The following SRFBP1 variants were observed in gnomAD, a reference collection of about 807,000 sequenced individuals.
The protein encoded by SRFBP1 is serum response factor-binding protein 1.
Under a neutral mutation model 45.5 loss-of-function variants are expected in SRFBP1, and 47 were observed. The ratio of observed to expected loss-of-function variants is 1.03; its 90% CI spans 0.82 to 1.32. The LOEUF (loss-of-function observed/expected upper bound fraction) is 1.32, where lower values mean the gene tolerates loss of function less well. Ranked by LOEUF, SRFBP1 falls within the 40% of genes most tolerant of loss-of-function variation. The pLI is 0.00. For missense variants in SRFBP1, 621 were observed against 484.6 expected (o/e 1.28, Z -2.64); for synonymous variants, 203 against 166.3 (o/e 1.22, Z -1.70).
intron 3 of SRFBP1, among the ~76,000 whole-genome samples, chr5:121,992,473 A>C: frequency 6.6e-6 from 1 of 151,892 alleles, no homozygotes; most frequent in East Asian, 1.9e-4. Context: ...GATGGTGATT[A>C]CATTTGGCTT....
chr5:121,994,652 T>C lies in SRFBP1; in HGVS notation c.252T>C (p.Phe84=). Residue 84 remains phenylalanine (F), a synonymous_variant, in exon 4 of 8, where the codon TTT becomes TTC. Transcript: ENST00000339397. ...TKSALGDDIN[F]EKIFKKPDST... ...CTGCTCTTGGTGATGATATCAACTT[T>C]GAAAAAATCTTCAAAAAGGTATATC... 2 of 1,595,480 alleles carry C rather than the reference T, an allele frequency of 1.3e-6. No homozygotes were observed. Among genetic ancestry groups the C allele is most frequent in the Non-Finnish European group, 1.7e-6 (2 of 1,171,276 alleles).
chr5:122,028,567 A>G lies in SRFBP1; in HGVS notation c.*1441A>G, dbSNP rs975688822. The stretch of plus-strand genomic sequence containing the variant: ...GGTTGCAGTGAGCCAAGATTGCACC[A>G]CTGCACTCCAGCCTGGGTGACAGAG... On this transcript the variant is annotated 3_prime_UTR_variant, in exon 8 of 8. Coordinates refer to ENST00000339397, the MANE Select transcript of SRFBP1 (RefSeq NM_152546.3). 1 of 151,948 alleles carries G rather than the reference A, an allele frequency of 6.6e-6. No individual in the cohort carries two copies. 9.4% of individuals were successfully genotyped at this position (151,948 alleles called of 1,614,324 possible).
At chr5:122,022,756 A>G (rs1401872198) in intron 7 of SRFBP1, among the ~76,000 whole-genome samples, 1 of 152,230 alleles carries the variant, frequency 6.6e-6, no homozygotes, top group Non-Finnish European at 1.5e-5. Flanking sequence ...AATAACAAGT[A>G]TATTACTTTC....
intron 6 of SRFBP1, among the ~76,000 whole-genome samples, chr5:122,021,086 T>C (rs1753308363): frequency 6.6e-6 from 1 of 152,258 alleles, no homozygotes; most frequent in Non-Finnish European, 1.5e-5. Flanking sequence ...AACTTTGAAA[T>C]CTTTTTTGAT....
At chr5:122,060,512 A>G (rs2152581481) in intron 2 of SRFBP1, among the ~76,000 whole-genome samples, 1 of 152,158 alleles carries the variant, frequency 6.6e-6, no homozygotes, top group African/African-American at 2.4e-5. Context: ...TAATAAGAGC[A>G]ATTGACTTGA....
In SRFBP1 at chr5:121,998,246, C is replaced by G. The variant is rs1317551712; in HGVS notation, c.270+3576C>G. On this transcript the variant is annotated intron_variant, in intron 4 of 7. Transcript: ENST00000339397. Reference sequence around the variant, plus strand: ...TTTATTGTGGCGTTATTCGCAATAGCAAAGACTTGGAACCAACCCAAATGT... The same window carrying G: ...TTTATTGTGGCGTTATTCGCAATAGGAAAGACTTGGAACCAACCCAAATGT... Among the ~76,000 whole-genome samples, 5 of 151,962 alleles carry G rather than the reference C, an allele frequency of 3.3e-5. No individual in the cohort carries two copies. The East Asian group carries it at 9.7e-4, about 29-fold the overall frequency.
chr5:122,009,425 C>T (rs1219386725), intron 4 of SRFBP1, among the ~76,000 whole-genome samples: 2 of 152,070 alleles, frequency 1.3e-5, no homozygotes, highest in Non-Finnish European at 2.9e-5. Flanking sequence ...CTTTTCCCCC[C>T]TTTTCATGTT....
chr5:122,003,969 C>G (rs1351240508), intron 4 of SRFBP1, among the ~76,000 whole-genome samples: 2 of 152,112 alleles, frequency 1.3e-5, no homozygotes, highest in African/African-American at 2.4e-5. Flanking sequence ...GGATCTCGCT[C>G]TGTCACCCAC....
intron 4 of SRFBP1, among the ~76,000 whole-genome samples, chr5:122,008,359 C>A (rs1561589724): frequency 6.6e-6 from 1 of 152,024 alleles, no homozygotes; most frequent in Non-Finnish European, 1.5e-5. Context: ...TCCTTGGTTA[C>A]CAGCCTGGAG....
At chr5:122,045,115 G>C (rs1464832006) in intron 2 of SRFBP1, among the ~76,000 whole-genome samples, 7 of 152,202 alleles carry the variant, frequency 4.6e-5, no homozygotes, top group African/African-American at 1.7e-4. Flanking sequence ...TGAACAGAGA[G>C]TCCTATCCAC....
rs749745534 is a variant in SRFBP1, at chr5:121,997,003, G to T, written c.270+2333G>T. On this transcript the variant is annotated intron_variant, in intron 4 of 7. Transcript: ENST00000339397. ...AGGAGAACTACAAACCACTGCTCAA[G>T]GAAATAAAAGAGGATACAAACAAAT... is the stretch of plus-strand genomic sequence containing the variant. 8.0e-3 allele frequency among the ~76,000 whole-genome samples: 915 copies of T among 114,124 alleles called. 8 individuals are homozygous for T. The highest frequency in any genetic ancestry group is 0.072 in the East Asian group (244 of 3,368). The allele number at this position is 114,124 out of a possible 152,430, so 74.9% of individuals were successfully genotyped here. A position where few individuals can be genotyped will look rare whatever the true frequency, so the allele number is the denominator to read the frequency against.
intron 2 of SRFBP1, among the ~76,000 whole-genome samples, chr5:122,056,674 A>G (rs770931752): frequency 1.3e-5 from 2 of 152,206 alleles, no homozygotes; most frequent in Non-Finnish European, 2.9e-5. Flanking sequence ...TTAAAAAGTA[A>G]GAAGACAAGG....
At chr5:121,995,004 A>C (rs972832874) in intron 4 of SRFBP1, among the ~76,000 whole-genome samples, 17 of 143,658 alleles carry the variant, frequency 1.2e-4, no homozygotes, top group African/African-American at 4.3e-4. Flanking sequence ...ATGCACCCAG[A>C]TTCATAAAGC....
chr5:122,048,279 G>C (rs10477627), intron 2 of SRFBP1, among the ~76,000 whole-genome samples: 47,218 of 151,924 alleles, frequency 0.31, 10,600 homozygotes, highest in African/African-American at 0.64. Context: ...TCTCAGAGGC[G>C]TTTTCTGCAT....
intron 4 of SRFBP1, among the ~76,000 whole-genome samples, chr5:122,016,200 G>C (rs890190557): frequency 1.3e-5 from 2 of 152,118 alleles, no homozygotes; most frequent in Admixed American, 1.3e-4. Flanking sequence ...TAAGTCTCCT[G>C]TCACCATCAT....
downstream of SRFBP1, chr5:122,077,723 C>T (rs369178929): frequency 2.5e-5 from 40 of 1,582,398 alleles, no homozygotes; most frequent in Admixed American, 7.1e-5. This position sits in a 1 kb window ranked among gnomAD's most constrained non-coding sequence, Gnocchi z 4.9. Context: ...GATCGGAGTG[C>T]GGGGCTGCTG....
At chr5:122,011,919 C>T (rs1208050081) in intron 4 of SRFBP1, among the ~76,000 whole-genome samples, 1 of 152,090 alleles carries the variant, frequency 6.6e-6, no homozygotes, top group African/African-American at 2.4e-5. Context: ...AGCCCATCTG[C>T]TTCACCAGCT....
In SRFBP1 at chr5:122,027,218, T is replaced by C. The variant is rs1753501650; in HGVS notation, c.*92T>C. 1.9e-6 allele frequency: 2 copies of C among 1,039,860 alleles called. No homozygotes were observed. Among genetic ancestry groups the C allele is most frequent in the Non-Finnish European group, 2.8e-6 (2 of 726,418 alleles). 64.4% of individuals were successfully genotyped at this position (1,039,860 alleles called of 1,614,324 possible). A position where few individuals can be genotyped will look rare whatever the true frequency, so the allele number is the denominator to read the frequency against. On this transcript the variant is annotated 3_prime_UTR_variant, in exon 8 of 8. Coordinates refer to ENST00000339397, the MANE Select transcript of SRFBP1 (RefSeq NM_152546.3). The stretch of plus-strand genomic sequence containing the variant: ...TTCTGTTGCCCAGACTAGAGTACAA[T>C]ATTGCAATCACAGCTCACTGCAGCC...
chr5:121,963,943 GA>G (rs904970653), intron 1 of SRFBP1, among the ~76,000 whole-genome samples: 23 of 146,418 alleles, frequency 1.6e-4, no homozygotes, highest in African/African-American at 3.8e-4. Flanking sequence ...CAACCAACTA[GA>G]AAAAAAAAAT....
Sources: allele counts gnomAD v4.1 joint callset (sites outside exome capture counted in the v4.1 genomes callset), GRCh38; gene constraint gnomAD v4.1.1; non-coding constraint Gnocchi (gnomAD v3.1); transcripts MANE v1.5; gene names NCBI Gene and HGNC (gene_info 2026-07-23, HGNC 2026-07-21).